The following ANKRD26 variants were observed in gnomAD, a reference collection of about 807,000 sequenced individuals.
The protein encoded by ANKRD26 is ankyrin repeat domain-containing protein 26.
A neutral mutation model predicts 208.7 loss-of-function variants in ANKRD26; 141 were observed. The ratio of observed to expected loss-of-function variants is 0.68; its 90% CI spans 0.59 to 0.78. The LOEUF (loss-of-function observed/expected upper bound fraction) is 0.78. Ranked by LOEUF, ANKRD26 falls within the 30% of genes least tolerant of loss-of-function variation. The pLI, the probability that ANKRD26 is intolerant of heterozygous loss-of-function variation, is 0.00. For synonymous variants in ANKRD26, 636 were observed against 660.4 expected, an observed-to-expected ratio of 0.96 and a Z score of 0.57; for missense variants, 1,889 against 1,938.7, an observed-to-expected ratio of 0.97 and a Z score of 0.48.
chr10:26,994,161 T>C (rs970675133), intron 5 of ANKRD26, among the ~76,000 whole-genome samples: 2 of 152,126 alleles, frequency 1.3e-5, no homozygotes, highest in African/African-American at 4.8e-5. Context: ...CAGTCCTGTG[T>C]GAAGATCCTC....
intron 26 of ANKRD26, 72 bp from the exon 27 acceptor site, chr10:27,029,017 C>T (rs1309059671): frequency 1.6e-6 from 2 of 1,217,988 alleles, no homozygotes; most frequent in East Asian, 2.6e-5. Context: ...TCTTAGCAAA[C>T]ACCTGAAGGC....
rs756171213 is a variant in ANKRD26, at chr10:27,039,958, A to G, written c.2375+7T>C. 1 of 1,610,052 alleles carries G rather than the reference A, an allele frequency of 6.2e-7. No homozygotes were observed. Among genetic ancestry groups the G allele is most frequent in the South Asian group, 1.1e-5 (1 of 90,984 alleles). ...TTAAACATTTCTTTAAAACTAGGCT[A>G]TCATACCTCAAAGAGCACAGTTCTC... On this transcript the variant is annotated splice_region_variant and intron_variant, in intron 21 of 33. Transcript: ENST00000376087.
intron 12 of ANKRD26, among the ~76,000 whole-genome samples, chr10:27,062,852 C>T (rs966411879): frequency 1.8e-4 from 27 of 151,604 alleles, no homozygotes; most frequent in Non-Finnish European, 2.8e-4. Flanking sequence ...ACTGCAACTT[C>T]CGTCTCCTGG....
At chr10:26,998,530 G>A (rs936349593) in intron 4 of ANKRD26, among the ~76,000 whole-genome samples, 1 of 152,192 alleles carries the variant, frequency 6.6e-6, no homozygotes, top group African/African-American at 2.4e-5. Flanking sequence ...TGTACCAGCT[G>A]GTAAAGGTCT....
At chr10:27,087,852 T>C (rs2056172812) in intron 4 of ANKRD26, among the ~76,000 whole-genome samples, 1 of 152,128 alleles carries the variant, frequency 6.6e-6, no homozygotes. Flanking sequence ...ATGGTCATAA[T>C]CCACTGCCGC....
the ANKRD26 span, among the ~76,000 whole-genome samples, chr10:26,959,007 G>A: frequency 9.2e-3 from 1,399 of 152,124 alleles, 22 homozygotes; most frequent in African/African-American, 0.032. Context: ...GGCATGAGAT[G>A]GTATCTCTTT....
intron 9 of ANKRD26, 138 bp from the exon 10 acceptor site, chr10:27,067,424 T>G (rs1005689372): frequency 1.4e-5 from 14 of 1,028,260 alleles, no homozygotes; most frequent in Middle Eastern, 2.4e-4. Context: ...GGGCATAGTT[T>G]TTTTTTTTTA....
chr10:27,074,023 C>T (rs780241342), intron 9 of ANKRD26, among the ~76,000 whole-genome samples: 1 of 151,764 alleles, frequency 6.6e-6, no homozygotes, highest in African/African-American at 2.4e-5. Context: ...TAAAAAAAAA[C>T]CCAGTCAAAT....
At chr10:26,988,142 G>A (rs761930622), downstream of ANKRD26, among the ~76,000 whole-genome samples, 11 of 152,170 alleles carry the variant, frequency 7.2e-5, no homozygotes, top group Non-Finnish European at 1.5e-4. Context: ...TATGCATACA[G>A]AGGTTGAGCC....
chr10:27,041,566 G>A (rs1344406151), intron 20 of ANKRD26, among the ~76,000 whole-genome samples: 2 of 152,110 alleles, frequency 1.3e-5, no homozygotes, highest in Non-Finnish European at 2.9e-5. Flanking sequence ...TCAAAATAAA[G>A]CTCAAGAAGA....
the ANKRD26 span, among the ~76,000 whole-genome samples, chr10:26,950,545 A>C: frequency 2.7e-5 from 4 of 147,858 alleles, no homozygotes; most frequent in African/African-American, 1.0e-4. Flanking sequence ...CCCACTGATA[A>C]TGAGTGAGTT....
intron 3 of ANKRD26, among the ~76,000 whole-genome samples, chr10:26,983,577 GT>G (rs2052340516): frequency 2.0e-5 from 3 of 152,130 alleles, no homozygotes; most frequent in Admixed American, 2.0e-4. Context: ...TGGTTTCTTG[GT>G]TCCCAGCATA....
At chr10:26,960,440 C>T in the ANKRD26 span, among the ~76,000 whole-genome samples, 1 of 152,218 alleles carries the variant, frequency 6.6e-6, no homozygotes. Flanking sequence ...TCATAAGAAG[C>T]ATCTTGGCTC....
chr10:26,986,783 G>C (rs1465250719), intron 3 of ANKRD26, among the ~76,000 whole-genome samples: 4 of 152,246 alleles, frequency 2.6e-5, no homozygotes, highest in Non-Finnish European at 4.4e-5. Flanking sequence ...GGAAACAGCA[G>C]GTGCTGGAGA....
intron 9 of ANKRD26, among the ~76,000 whole-genome samples, chr10:27,074,580 C>T (rs12768409): frequency 0.081 from 12,324 of 152,096 alleles, 731 homozygotes; most frequent in East Asian, 0.29. Context: ...ACTAGGGGGG[C>T]TGAAGCAGGA....
chr10:27,050,386 G>A (rs950097345), intron 16 of ANKRD26, among the ~76,000 whole-genome samples: 5 of 152,010 alleles, frequency 3.3e-5, no homozygotes, highest in African/African-American at 1.2e-4. Context: ...GGGTATACAT[G>A]CCCAAACTTA....
At chr10:27,000,369 C>CA (rs1402695157), downstream of ANKRD26, among the ~76,000 whole-genome samples, 1 of 152,148 alleles carries the variant, frequency 6.6e-6, no homozygotes, top group East Asian at 1.9e-4. Flanking sequence ...GCAATTTCAA[C>CA]AAAATGTGGA....
At chr10:26,962,894 A>G in the ANKRD26 span, among the ~76,000 whole-genome samples, 1 of 152,174 alleles carries the variant, frequency 6.6e-6, no homozygotes, top group African/African-American at 2.4e-5. Context: ...CTTTAATAGC[A>G]ATAATAACAG....
chr10:27,020,353 C>T (rs1462378924), intron 29 of ANKRD26, among the ~76,000 whole-genome samples: 1 of 152,100 alleles, frequency 6.6e-6, no homozygotes, highest in Admixed American at 6.5e-5. Context: ...TAACTGTATT[C>T]GCCCTGTGGT....
Sources: gnomAD v4.1 joint callset for allele counts (sites outside exome capture counted in the v4.1 genomes callset) on GRCh38, gnomAD v4.1.1 for gene constraint, MANE v1.5 for transcripts, NCBI Gene and HGNC (gene_info 2026-07-23, HGNC 2026-07-21) for gene names.